BCKDHB: variants seen among roughly 807,000 people sequenced by gnomAD.
BCKDHB encodes 2-oxoisovalerate dehydrogenase subunit beta, mitochondrial.
Under a neutral mutation model 48.5 loss-of-function variants are expected in BCKDHB, and 41 were observed. The observed-to-expected ratio is 0.85, with a 90% CI of 0.66 to 1.10. BCKDHB has a LOEUF of 1.10. Ranked by LOEUF, BCKDHB falls within the 50% of genes least tolerant of loss-of-function variation. The pLI is 0.00. For synonymous variants in BCKDHB, 201 were observed against 174.8 expected, an observed-to-expected ratio of 1.15 and a Z score of -1.18; for missense variants, 496 against 494.2, an observed-to-expected ratio of 1.00 and a Z score of -0.03.
intron 6 of BCKDHB, among the ~76,000 whole-genome samples, chr6:80,180,397 G>C (rs776871946): frequency 7.9e-5 from 12 of 152,142 alleles, no homozygotes; most frequent in Non-Finnish European, 1.8e-4. Flanking sequence ...GTACAAAATA[G>C]TGATGATTCA....
At chr6:80,270,881 T>C (rs1374945976) in intron 8 of BCKDHB, among the ~76,000 whole-genome samples, 1 of 152,140 alleles carries the variant, frequency 6.6e-6, no homozygotes, top group African/African-American at 2.4e-5. Flanking sequence ...AAAAACATTA[T>C]TATGTTTTTT....
chr6:80,371,458 T>C, the BCKDHB span, among the ~76,000 whole-genome samples: 1 of 152,192 alleles, frequency 6.6e-6, no homozygotes, highest in Admixed American at 6.5e-5. Context: ...CTGTTGATTG[T>C]TCCTTTTGCT....
the BCKDHB span, among the ~76,000 whole-genome samples, chr6:80,409,572 TTGCATATATATATATA>T: frequency 1.2e-5 from 1 of 86,642 alleles, no homozygotes; most frequent in Non-Finnish European, 2.3e-5. Flanking sequence ...CTTGTATTGG[TTGCATATATATATATA>T]TATATATATA....
At chr6:80,355,648 A>ATT in the BCKDHB span, 1 of 142,956 alleles carries the variant, frequency 7.0e-6, no homozygotes, top group Admixed American at 6.8e-5. Flanking sequence ...AACAAATAGT[A>ATT]TTTTTTTAAA....
At chr6:80,233,044 TTCTC>T (rs1345496513) in intron 8 of BCKDHB, among the ~76,000 whole-genome samples, 2 of 152,144 alleles carry the variant, frequency 1.3e-5, no homozygotes, top group African/African-American at 2.4e-5. Flanking sequence ...GTTTCTTCCT[TTCTC>T]TCAGTACTCC....
At chr6:80,371,169 G>A in the BCKDHB span, among the ~76,000 whole-genome samples, 31 of 151,832 alleles carry the variant, frequency 2.0e-4, 1 homozygote, top group East Asian at 3.7e-3. Flanking sequence ...TTGATTTTTT[G>A]ATTATGGCCA....
intron 9 of BCKDHB, among the ~76,000 whole-genome samples, chr6:80,291,417 ATAAG>A (rs961255079): frequency 6.6e-6 from 1 of 152,210 alleles, no homozygotes; most frequent in Non-Finnish European, 1.5e-5. Context: ...TGGAATATTA[ATAAG>A]TATTTAAGAA....
chr6:80,118,355 A>G (rs1034775050), intron 1 of BCKDHB, among the ~76,000 whole-genome samples: 1 of 152,216 alleles, frequency 6.6e-6, no homozygotes, highest in Non-Finnish European at 1.5e-5. Context: ...AGATCAATGT[A>G]CATACTTTAA....
rs142607924 is a variant in BCKDHB, at chr6:80,335,351, G to T, written c.1039-8313G>T. On this transcript the variant is annotated intron_variant, in intron 9 of 9. Coordinates refer to ENST00000320393, the MANE Select transcript of BCKDHB (RefSeq NM_183050.4). ...TCAGAAATCCTACCTTACAGAGAGCGATTTGTTCATGAGATGACCCAGTGC... is the reference window on the plus strand; with the variant it reads ...TCAGAAATCCTACCTTACAGAGAGCTATTTGTTCATGAGATGACCCAGTGC... Among the ~76,000 whole-genome samples the T allele has an allele frequency of 8.8e-4, 134 of 151,950 alleles. 2 individuals carry two copies. The highest frequency in any genetic ancestry group is 3.1e-3 in the African/African-American group (127 of 41,500).
chr6:80,418,996 A>C, the BCKDHB span, among the ~76,000 whole-genome samples: 1 of 152,120 alleles, frequency 6.6e-6, no homozygotes, highest in Admixed American at 6.5e-5. Flanking sequence ...AAGAGTGGTC[A>C]CTCAGGTCAG....
intron 6 of BCKDHB, among the ~76,000 whole-genome samples, chr6:80,192,119 A>G (rs1205923784): frequency 1.3e-5 from 2 of 152,204 alleles, no homozygotes; most frequent in Admixed American, 6.5e-5. Flanking sequence ...AAAAACCCAT[A>G]TCTAATTAAG....
intron 9 of BCKDHB, among the ~76,000 whole-genome samples, chr6:80,298,624 A>G (rs1310270199): frequency 6.6e-6 from 1 of 152,246 alleles, no homozygotes; most frequent in Non-Finnish European, 1.5e-5. Context: ...GATGGAGACC[A>G]AAAGAAAGTA....
chr6:80,455,036 A>G, the BCKDHB span, among the ~76,000 whole-genome samples: 57 of 152,232 alleles, frequency 3.7e-4, no homozygotes, highest in African/African-American at 1.3e-3. Flanking sequence ...TTCCTATTTT[A>G]CACAGAGACC....
chr6:80,365,583 CTTCCCTTG>C, the BCKDHB span, among the ~76,000 whole-genome samples: 1 of 152,142 alleles, frequency 6.6e-6, no homozygotes, highest in Non-Finnish European at 1.5e-5. Flanking sequence ...TAATGGTTGT[CTTCCCTTG>C]TTCCCTAAAA....
At chr6:80,111,035 C>T (rs1418110746) in intron 1 of BCKDHB, among the ~76,000 whole-genome samples, 1 of 152,134 alleles carries the variant, frequency 6.6e-6, no homozygotes, top group East Asian at 1.9e-4. Context: ...CATAATATCT[C>T]TTTTTAACAG....
intron 8 of BCKDHB, among the ~76,000 whole-genome samples, chr6:80,214,632 A>G (rs557874676): frequency 1.3e-5 from 2 of 152,330 alleles, no homozygotes; most frequent in East Asian, 3.9e-4. Flanking sequence ...CTCTTAGGCC[A>G]AGTTTCATGG....
intron 8 of BCKDHB, among the ~76,000 whole-genome samples, chr6:80,221,072 G>T (rs947786915): frequency 2.0e-5 from 3 of 150,336 alleles, no homozygotes; most frequent in Non-Finnish European, 4.4e-5. Flanking sequence ...TTTTATTTGG[G>T]TTTTATTTGG....
At chr6:80,283,879 A>G (rs944566509) in intron 9 of BCKDHB, among the ~76,000 whole-genome samples, 1 of 152,156 alleles carries the variant, frequency 6.6e-6, no homozygotes, top group South Asian at 2.1e-4. Flanking sequence ...CAGATAATGT[A>G]TCCATAACCT....
intron 3 of BCKDHB, among the ~76,000 whole-genome samples, chr6:80,160,720 G>A (rs1772270585): frequency 6.6e-6 from 1 of 152,146 alleles, no homozygotes; most frequent in Non-Finnish European, 1.5e-5. Context: ...ATTAGAAAGC[G>A]ATGGTATGAT....
Sources: allele counts gnomAD v4.1 joint callset (sites outside exome capture counted in the v4.1 genomes callset), GRCh38; gene constraint gnomAD v4.1.1; transcripts MANE v1.5; gene names NCBI Gene and HGNC (gene_info 2026-07-23, HGNC 2026-07-21).